The following CPQ variants were observed in gnomAD, a reference collection of about 807,000 sequenced individuals.
The protein encoded by CPQ is Ser-Met dipeptidase.
Under a neutral mutation model 45.7 loss-of-function variants are expected in CPQ, and 37 were observed. The ratio of observed to expected loss-of-function variants is 0.81; its 90% confidence interval spans 0.62 to 1.07. The LOEUF is 1.07. Among genes scored for constraint, CPQ ranks in the 50% least tolerant of loss-of-function variants. CPQ has a pLI of 0.00. For synonymous variants in CPQ, 186 were observed against 205.8 expected, an observed-to-expected ratio of 0.90 and a Z score of 0.82; for missense variants, 537 against 572.9, an observed-to-expected ratio of 0.94 and a Z score of 0.64.
At chr8:97,001,733 T>C (rs1186676553) in intron 5 of CPQ, among the ~76,000 whole-genome samples, 1 of 145,662 alleles carries the variant, frequency 6.9e-6, no homozygotes, top group Non-Finnish European at 1.5e-5. Context: ...TTTTTTTTTT[T>C]TTTTTTTTTT....
At position 97,077,061 on chromosome 8, in the gene CPQ, C is replaced by G. The variant is rs530102226; in HGVS notation, c.1255+10851C>G. On this transcript the variant is annotated intron_variant, in intron 7 of 7. Coordinates refer to ENST00000220763, the MANE Select transcript of CPQ (RefSeq NM_016134.4). ...ATAAGGAAGAGATACATTTATAGTA[C>G]CGTACTCTATTTATCAATACCATCT... is the stretch of plus-strand genomic sequence containing the variant. Among the ~76,000 whole-genome samples the G allele has an allele frequency of 7.5e-4, 114 of 152,216 alleles. No homozygotes were observed. In the South Asian group the frequency reaches 0.023, roughly 31 times the overall value.
At chr8:96,869,004 T>C (rs1226601268) in intron 3 of CPQ, among the ~76,000 whole-genome samples, 1 of 152,000 alleles carries the variant, frequency 6.6e-6, no homozygotes, top group East Asian at 1.9e-4. Flanking sequence ...TATTATCATA[T>C]AAATAACTTC....
intron 5 of CPQ, among the ~76,000 whole-genome samples, chr8:97,027,023 G>T (rs922642870): frequency 3.9e-5 from 6 of 151,990 alleles, no homozygotes; most frequent in Admixed American, 3.3e-4. Flanking sequence ...AAAAAAAAGT[G>T]TATTTTTTTC....
chr8:96,795,717 T>A (rs1810918810), intron 2 of CPQ, among the ~76,000 whole-genome samples: 1 of 148,818 alleles, frequency 6.7e-6, no homozygotes, highest in Admixed American at 6.7e-5. Context: ...TATTTTCTTA[T>A]TTTTTTCTCT....
chr8:96,688,022 T>C (rs139886210), intron 1 of CPQ, among the ~76,000 whole-genome samples: 1 of 152,240 alleles, frequency 6.6e-6, no homozygotes, highest in Non-Finnish European at 1.5e-5. Context: ...TATTCTGTCA[T>C]GTCCTGAGAG....
intron 5 of CPQ, among the ~76,000 whole-genome samples, chr8:97,026,078 G>A (rs1028716146): frequency 1.3e-5 from 2 of 152,168 alleles, no homozygotes; most frequent in African/African-American, 4.8e-5. Flanking sequence ...GTTTATGCAT[G>A]CTGTATAAAC....
At chr8:97,039,162 C>T (rs1810062731) in intron 6 of CPQ, among the ~76,000 whole-genome samples, 1 of 152,330 alleles carries the variant, frequency 6.6e-6, no homozygotes, top group South Asian at 2.1e-4. Context: ...AGCCACACAA[C>T]AGGCATAATT....
chr8:96,792,670 T>G (rs1810864806), intron 2 of CPQ, among the ~76,000 whole-genome samples: 1 of 152,176 alleles, frequency 6.6e-6, no homozygotes, highest in Non-Finnish European at 1.5e-5. Context: ...TCATACTCAG[T>G]AAATAGTTAC....
chr8:96,908,587 A>C (rs986726052), intron 4 of CPQ, among the ~76,000 whole-genome samples: 2 of 152,168 alleles, frequency 1.3e-5, no homozygotes, highest in African/African-American at 4.8e-5. Flanking sequence ...GGGTTGGGAC[A>C]TTGCTTAGGA....
intron 7 of CPQ, among the ~76,000 whole-genome samples, chr8:97,109,737 G>A (rs570341390): frequency 2.0e-4 from 30 of 151,954 alleles, no homozygotes; most frequent in African/African-American, 7.2e-4. Context: ...TGTACTCAGC[G>A]CTTTTGGCTC....
At chr8:97,056,935 A>G (rs1810463826) in intron 6 of CPQ, among the ~76,000 whole-genome samples, 1 of 152,232 alleles carries the variant, frequency 6.6e-6, no homozygotes, top group East Asian at 1.9e-4. Context: ...TTCTTTGTAC[A>G]TATTCATAGA....
At chr8:96,748,992 A>G (rs1043488413) in intron 1 of CPQ, among the ~76,000 whole-genome samples, 3 of 151,550 alleles carry the variant, frequency 2.0e-5, no homozygotes, top group Non-Finnish European at 4.4e-5. Context: ...ATAACTATCA[A>G]CTCTCTCCTC....
chr8:96,832,945 A>G (rs1363954541), intron 2 of CPQ, among the ~76,000 whole-genome samples: 1 of 152,234 alleles, frequency 6.6e-6, no homozygotes, highest in Non-Finnish European at 1.5e-5. Flanking sequence ...AGGCTGGCAC[A>G]CCGGTGGTAT....
chr8:96,767,650 T>C (rs1200467146), intron 1 of CPQ, among the ~76,000 whole-genome samples: 1 of 136,752 alleles, frequency 7.3e-6, no homozygotes, highest in African/African-American at 2.8e-5. Context: ...TTTTTTTTTT[T>C]TTTTTTTTTT....
intron 5 of CPQ, among the ~76,000 whole-genome samples, chr8:97,014,214 G>C (rs976225209): frequency 2.0e-5 from 3 of 152,132 alleles, no homozygotes; most frequent in Non-Finnish European, 2.9e-5. Context: ...TGTAAAGGAG[G>C]GGGAGAGTTC....
intron 7 of CPQ, among the ~76,000 whole-genome samples, chr8:97,113,628 A>G (rs1811536411): frequency 6.6e-6 from 1 of 152,150 alleles, no homozygotes; most frequent in Admixed American, 6.5e-5. Flanking sequence ...GAGGGTGGCT[A>G]AGGGCAAGTG....
chr8:96,830,375 T>A (rs1811439145), intron 2 of CPQ, among the ~76,000 whole-genome samples: 1 of 152,108 alleles, frequency 6.6e-6, no homozygotes, highest in Non-Finnish European at 1.5e-5. Context: ...GGAGTCTTTT[T>A]ATCAAATTCT....
chr8:96,694,632 C>G (rs956632840), intron 1 of CPQ, among the ~76,000 whole-genome samples: 1 of 151,842 alleles, frequency 6.6e-6, no homozygotes, highest in Non-Finnish European at 1.5e-5. Flanking sequence ...ACTTTGGAAA[C>G]AACAAACACA....
chr8:97,099,551 T>G (rs1277005105), intron 7 of CPQ, among the ~76,000 whole-genome samples: 3 of 131,810 alleles, frequency 2.3e-5, no homozygotes, highest in East Asian at 4.8e-4. Flanking sequence ...GATATGTGTG[T>G]TTTTTTTTTT....
Sources: gnomAD v4.1 joint callset for allele counts (sites outside exome capture counted in the v4.1 genomes callset) on GRCh38, gnomAD v4.1.1 for gene constraint, MANE v1.5 for transcripts, NCBI Gene and HGNC (gene_info 2026-07-23, HGNC 2026-07-21) for gene names.